MLXIP: variants seen among roughly 807,000 people sequenced by gnomAD.
MLXIP encodes MLX interacting protein.
MLXIP carries 30 observed loss-of-function variants against 87.2 expected under a neutral mutation model. The observed-to-expected ratio is 0.34, with a 90% CI of 0.26 to 0.47. MLXIP has a LOEUF of 0.47. Among genes scored for constraint, MLXIP ranks in the 20% least tolerant of loss-of-function variants. The probability of loss-of-function intolerance (pLI) is 1.00; values close to 1 mark genes in which losing one functional copy is unlikely to be tolerated. For synonymous variants in MLXIP, 530 were observed against 514.0 expected, an observed-to-expected ratio of 1.03 and a Z score of -0.42; for missense variants, 1,002 against 1,240.1, an observed-to-expected ratio of 0.81 and a Z score of 2.88.
At chr12:122,103,836 G>GT (rs1319202788) in intron 1 of MLXIP, among the ~76,000 whole-genome samples, 2 of 97,042 alleles carry the variant, frequency 2.1e-5, no homozygotes, top group African/African-American at 1.0e-4. Flanking sequence ...GCCTAATTTT[G>GT]TTTGTTTTTT....
chr12:122,112,751 T>C (rs1952624577), intron 1 of MLXIP, among the ~76,000 whole-genome samples: 1 of 152,180 alleles, frequency 6.6e-6, no homozygotes, highest in African/African-American at 2.4e-5. Context: ...AAGATGGACC[T>C]TTAGTTTAAT....
At chr12:122,128,851 G>A in intron 3 of MLXIP, 1 of 366,960 alleles carries the variant, frequency 2.7e-6, no homozygotes, top group Non-Finnish European at 5.0e-6. Context: ...TTCTTCCTCT[G>A]TGGAGCATTC....
intron 9 of MLXIP, 187 bp downstream of exon 9, chr12:122,134,174 C>T: frequency 1.5e-6 from 1 of 689,508 alleles, no homozygotes; most frequent in Non-Finnish European, 2.2e-6. Flanking sequence ...AGTCCGTTTT[C>T]TATGCTCTAT....
chr12:122,103,194 T>C (rs1023058073), intron 1 of MLXIP, among the ~76,000 whole-genome samples: 3,916 of 72,158 alleles, frequency 0.054, 139 homozygotes, highest in Non-Finnish European at 0.052. Context: ...TATGTATGTA[T>C]GTATGTATTT....
chr12:122,132,443 A>C, intron 8 of MLXIP, 60 bp downstream of exon 8: 1 of 1,375,948 alleles, frequency 7.3e-7, no homozygotes, highest in East Asian at 2.4e-5. Context: ...CTGCTCATCA[A>C]AGGTTTGCTG....
chr12:122,087,967 G>T (rs1952192108), intron 1 of MLXIP, among the ~76,000 whole-genome samples: 1 of 152,262 alleles, frequency 6.6e-6, no homozygotes, highest in African/African-American at 2.4e-5. Flanking sequence ...AAATGAAGAA[G>T]GCTGGGCAAG....
intron 1 of MLXIP, among the ~76,000 whole-genome samples, chr12:122,088,972 G>A (rs2135900754): frequency 7.6e-6 from 1 of 131,490 alleles, no homozygotes; most frequent in East Asian, 2.2e-4. Flanking sequence ...AGGAGTTTGA[G>A]ACCAGCCTGG....
At chr12:122,128,200 A>G (rs1407002146) in intron 3 of MLXIP, 3 of 494,330 alleles carry the variant, frequency 6.1e-6, no homozygotes, top group Non-Finnish European at 3.7e-6. Context: ...GGGGGTTAAT[A>G]TCTTTCTGTT....
intron 1 of MLXIP, among the ~76,000 whole-genome samples, chr12:122,094,109 G>T (rs1408835269): frequency 7.0e-6 from 1 of 142,246 alleles, no homozygotes; most frequent in Non-Finnish European, 1.5e-5. Context: ...TGTGTGTGTG[G>T]TGTGTTGTGT....
In MLXIP at chr12:122,133,127, T is replaced by C. The variant is rs1322913508; in HGVS notation, c.1093-221T>C. The C allele has an allele frequency of 2.1e-6, 1 of 483,124 alleles. No homozygotes were observed. The highest frequency in any genetic ancestry group is 3.3e-5 in the East Asian group (1 of 30,708). 29.9% of individuals were successfully genotyped at this position (483,124 alleles called of 1,614,324 possible). A position where few individuals can be genotyped will look rare whatever the true frequency, so the allele number is the denominator to read the frequency against. ...CAGCTGTGTGAGGGCCGTTGCCTTA[T>C]CTGAGCTCTGAGTTATTTAGTTTTT... On this transcript the variant is annotated intron_variant, in intron 8 of 16. Transcript: ENST00000319080. This position sits in a 1 kb window ranked among gnomAD's most constrained non-coding sequence, Gnocchi z 4.9.
At chr12:122,128,156 TC>T (rs1393064985) in intron 3 of MLXIP, 188 bp downstream of exon 3, 11 of 573,436 alleles carry the variant, frequency 1.9e-5, no homozygotes, top group Non-Finnish European at 3.1e-5. Context: ...CTGCAGAGCC[TC>T]CCCCTTCTCA....
rs1481519151 is a variant in MLXIP at position 122,137,959 on chromosome 12, C to T, written c.2155-235C>T. On this transcript the variant is annotated intron_variant, in intron 12 of 16. Coordinates refer to ENST00000319080, the MANE Select transcript of MLXIP (RefSeq NM_014938.6). The surrounding 1 kb of genome is among the most constrained non-coding windows in gnomAD (Gnocchi z 4.1). ...TTGCAGCACCTGGGATGCACCGGTT[C>T]AGCCCTGCCGTTCCCAGCCCCAGCT... Among the ~76,000 whole-genome samples, 2 of 152,174 alleles carry T rather than the reference C, an allele frequency of 1.3e-5. No homozygotes were observed. The highest frequency in any genetic ancestry group is 2.9e-5 in the Non-Finnish European group (2 of 68,016).
chr12:122,138,396 T>C (rs1425342868), intron 13 of MLXIP, 28 bp from the exon 14 acceptor site: 4 of 1,611,486 alleles, frequency 2.5e-6, no homozygotes, highest in Non-Finnish European at 3.4e-6. Flanking sequence ...CTGTGGGTGC[T>C]GCCTCCAGCC....
At chr12:122,096,760 C>T (rs181631687) in intron 1 of MLXIP, among the ~76,000 whole-genome samples, 12 of 152,324 alleles carry the variant, frequency 7.9e-5, no homozygotes, top group Admixed American at 5.2e-4. Flanking sequence ...GACAGACCCC[C>T]GAGGCTGTGA....
At chr12:122,129,342 T>C in intron 4 of MLXIP, 116 bp downstream of exon 4, 1 of 1,027,588 alleles carries the variant, frequency 9.7e-7, no homozygotes, top group African/African-American at 1.6e-5. Context: ...ACGTGGAGCG[T>C]CAAGCAGTAA....
chr12:122,097,777 A>C (rs1045527645), intron 1 of MLXIP, among the ~76,000 whole-genome samples: 1 of 146,882 alleles, frequency 6.8e-6, no homozygotes, highest in Non-Finnish European at 1.5e-5. Flanking sequence ...CCAGCTCCCT[A>C]CTCTCCCAGG....
chr12:122,122,904 G>C (rs1193360253), intron 1 of MLXIP, among the ~76,000 whole-genome samples: 4 of 150,760 alleles, frequency 2.7e-5, no homozygotes, highest in Non-Finnish European at 4.4e-5. Context: ...TATTGCCCAG[G>C]CTGGTCTGGA....
chr12:122,122,185 G>T (rs1238252914), intron 1 of MLXIP, among the ~76,000 whole-genome samples: 1 of 152,166 alleles, frequency 6.6e-6, no homozygotes, highest in Non-Finnish European at 1.5e-5. Context: ...AAGAAGGAAT[G>T]GAGCATAATC....
chr12:122,114,870 T>G (rs1177653900), intron 1 of MLXIP, among the ~76,000 whole-genome samples: 1 of 151,642 alleles, frequency 6.6e-6, no homozygotes, highest in African/African-American at 2.4e-5. Flanking sequence ...TTCAGCCTCC[T>G]GAGTAGCTGG....
Sources: gnomAD v4.1 joint callset for allele counts (sites outside exome capture counted in the v4.1 genomes callset) on GRCh38, gnomAD v4.1.1 for gene constraint, Gnocchi (gnomAD v3.1) non-coding constraint, MANE v1.5 for transcripts, NCBI Gene and HGNC (gene_info 2026-07-23, HGNC 2026-07-21) for gene names.